Variants in PRH1 observed in about 807,000 individuals in gnomAD.
The protein encoded by PRH1 is proline rich protein HaeIII subfamily 1, also known as salivary acidic proline-rich phosphoprotein 1/2.
In PRH1, 7 loss-of-function variants were observed where a neutral mutation model predicts 7.9. That is an observed-to-expected ratio of 0.89 (90% confidence interval 0.50 to 1.67). PRH1 has a LOEUF of 1.67. Among genes scored for constraint, PRH1 ranks in the 40% most tolerant of loss-of-function variants. The pLI is 0.00. For missense variants in PRH1, 109 were observed against 223.6 expected (o/e 0.49, Z 3.27); for synonymous variants, 45 against 80.8 (o/e 0.56, Z 2.38).
intron 1 of PRH1, chr12:10,997,429 C>G (rs201522412): frequency 6.2e-7 from 1 of 1,613,994 alleles, no homozygotes. Context: ...CATTTATATA[C>G]GTGTGTTTCA....
chr12:10,931,944 C>G (rs899881244), intron 2 of PRH1, among the ~76,000 whole-genome samples: 25 of 152,068 alleles, frequency 1.6e-4, no homozygotes, highest in Middle Eastern at 3.2e-3. Flanking sequence ...TGTTGCAGTC[C>G]CCATCTTTCT....
intron 1 of PRH1, among the ~76,000 whole-genome samples, chr12:11,021,163 A>G (rs990317058): frequency 8.9e-6 from 1 of 112,656 alleles, no homozygotes; most frequent in Non-Finnish European, 2.0e-5. Context: ...GCTTTCTACT[A>G]AGCATAAAAT....
At chr12:10,991,264 A>C (rs1939918419) in intron 1 of PRH1, among the ~76,000 whole-genome samples, 1 of 152,216 alleles carries the variant, frequency 6.6e-6, no homozygotes, top group Non-Finnish European at 1.5e-5. Context: ...AAAAATATAA[A>C]AACAGATTAC....
At chr12:10,986,280 G>T in intron 1 of PRH1, 2 of 1,614,064 alleles carry the variant, frequency 1.2e-6, no homozygotes, top group Non-Finnish European at 1.7e-6. Flanking sequence ...CATCAGAAAA[G>T]ATATCAGGGA....
intron 1 of PRH1, among the ~76,000 whole-genome samples, chr12:11,132,617 A>G (rs1438335070): frequency 2.0e-5 from 3 of 152,284 alleles, no homozygotes; most frequent in Non-Finnish European, 4.4e-5. Flanking sequence ...TTTTTTTCTA[A>G]GCTATTCACA....
intron 1 of PRH1, among the ~76,000 whole-genome samples, chr12:11,067,530 TC>T (rs1943877054): frequency 6.6e-6 from 1 of 152,196 alleles, no homozygotes; most frequent in Admixed American, 6.5e-5. Context: ...GATTTACAGT[TC>T]TTGCTTATGT....
chr12:11,031,362 T>C (rs1387697332), intron 1 of PRH1: 1 of 1,507,588 alleles, frequency 6.6e-7, no homozygotes, highest in Non-Finnish European at 8.9e-7. Flanking sequence ...AAAAATTGTT[T>C]TAATGCTGGT....
chr12:10,939,657 G>T (rs1950363666), intron 2 of PRH1, among the ~76,000 whole-genome samples: 1 of 150,078 alleles, frequency 6.7e-6, no homozygotes, highest in South Asian at 2.1e-4. Flanking sequence ...TAAGCACTGA[G>T]AATTTTTACA....
chr12:10,966,542 T>C (rs1272190534), intron 2 of PRH1, among the ~76,000 whole-genome samples: 1 of 152,206 alleles, frequency 6.6e-6, no homozygotes, highest in Non-Finnish European at 1.5e-5. Flanking sequence ...GCCTACTTTG[T>C]CCAAACTCTA....
chr12:10,905,212 C>T (rs1388890590), intron 2 of PRH1, among the ~76,000 whole-genome samples: 1 of 151,786 alleles, frequency 6.6e-6, no homozygotes, highest in Non-Finnish European at 1.5e-5. Context: ...TTGGTCTAAT[C>T]CATTTTTTTT....
At chr12:10,901,953 A>G (rs1363488581) in intron 2 of PRH1, among the ~76,000 whole-genome samples, 5 of 152,188 alleles carry the variant, frequency 3.3e-5, no homozygotes, top group Non-Finnish European at 7.3e-5. Context: ...CCATAAAAAA[A>G]GTGAATGTAA....
rs1046516517 is a variant in PRH1, at chr12:11,045,601, A to C, written c.-126+1419T>G. On this transcript the variant is annotated intron_variant, in intron 1 of 3. Transcript: ENST00000539853. ...TACATTTTAAAAAAAGAAATTCCTA[A>C]ACTTCCTATATCTGTTTACTGATAA... 2.6e-5 allele frequency among the ~76,000 whole-genome samples: 4 copies of C among 152,146 alleles called. No homozygotes were observed. The East Asian group carries it at 7.7e-4, about 29-fold the overall frequency.
chr12:11,081,576 G>A (rs188925803), intron 1 of PRH1, among the ~76,000 whole-genome samples: 2 of 116,356 alleles, frequency 1.7e-5, no homozygotes, highest in Admixed American at 1.7e-4. Flanking sequence ...GATGTGAGTA[G>A]CTTTTTTTGG....
chr12:10,967,843 T>G (rs573636321), intron 2 of PRH1, among the ~76,000 whole-genome samples: 1 of 152,316 alleles, frequency 6.6e-6, no homozygotes, highest in South Asian at 2.1e-4. Flanking sequence ...GCCTTCAAAC[T>G]GCATCATTAC....
Position 10,957,099 on chromosome 12 carries a change from A to G in PRH1, c.-59+16556T>C, listed in dbSNP as rs370047519. Among the ~76,000 whole-genome samples the G allele has an allele frequency of 2.6e-5, 4 of 152,102 alleles. No individual in the cohort carries two copies. In the East Asian group the frequency reaches 7.7e-4, roughly 29 times the overall value. Reference sequence around the variant, plus strand: ...ACTGGGAATGAAAAAAAAAAAGCCCAAATAGCCAAGGCAATACCAAACAAA... The same window carrying G: ...ACTGGGAATGAAAAAAAAAAAGCCCGAATAGCCAAGGCAATACCAAACAAA... On this transcript the variant is annotated intron_variant, in intron 2 of 3. Transcript: ENST00000539853.
chr12:11,031,145 A>G (rs1446173759), intron 1 of PRH1: 2 of 1,614,250 alleles, frequency 1.2e-6, no homozygotes, highest in Non-Finnish European at 1.7e-6. Context: ...ATACCAATTT[A>G]ATAATAATAC....
intron 2 of PRH1, among the ~76,000 whole-genome samples, chr12:10,903,330 C>G (rs971965848): frequency 6.6e-6 from 1 of 152,072 alleles, no homozygotes; most frequent in Non-Finnish European, 1.5e-5. Context: ...TATACATGCA[C>G]TCAGCATTGG....
chr12:11,007,176 A>G (rs1209857458), intron 1 of PRH1, among the ~76,000 whole-genome samples: 1 of 152,076 alleles, frequency 6.6e-6, no homozygotes, highest in Non-Finnish European at 1.5e-5. Context: ...ACAGAACCCA[A>G]ACCTTTTATC....
chr12:11,094,049 A>G lies in PRH1; in HGVS notation n.124-46861T>C, dbSNP rs1241064387. On this transcript the variant is annotated intron_variant and non_coding_transcript_variant, in intron 1 of 4. Transcript: ENST00000541977. ...AACCTGGCTTAGAAAAATAAAATCC[A>G]GGTCCAGTGCAGGCAAGGCTGAGGA... 8.8e-5 allele frequency among the ~76,000 whole-genome samples: 10 copies of G among 113,578 alleles called. 3 individuals carry two copies. The highest frequency in any genetic ancestry group is 2.1e-4 in the Non-Finnish European group (10 of 48,426). The allele number at this position is 113,578 out of a possible 152,430, so 74.5% of individuals were successfully genotyped here. A position where few individuals can be genotyped will look rare whatever the true frequency, so the allele number is the denominator to read the frequency against.
Sources: gnomAD v4.1 joint callset for allele counts (sites outside exome capture counted in the v4.1 genomes callset) on GRCh38, gnomAD v4.1.1 for gene constraint, MANE v1.5 for transcripts, NCBI Gene and HGNC (gene_info 2026-07-23, HGNC 2026-07-21) for gene names.